Variants in PCDHGB2 observed in about 807,000 individuals in gnomAD.
The protein encoded by PCDHGB2 is protocadherin gamma-B2.
Under a neutral mutation model 59.3 loss-of-function variants are expected in PCDHGB2, and 55 were observed. That is an observed-to-expected ratio of 0.93 (90% CI 0.75 to 1.16). PCDHGB2 has a LOEUF of 1.16. Among genes scored for constraint, PCDHGB2 ranks in the 50% most tolerant of loss-of-function variants. The pLI, the probability that PCDHGB2 is intolerant of heterozygous loss-of-function variation, is 0.00. For synonymous variants in PCDHGB2, 516 were observed against 512.0 expected, an observed-to-expected ratio of 1.01 and a Z score of -0.11; for missense variants, 1,228 against 1,198.5, an observed-to-expected ratio of 1.02 and a Z score of -0.36.
intron 1 of PCDHGB2, chr5:141,395,106 A>G: frequency 3.1e-6 from 5 of 1,614,150 alleles, no homozygotes; most frequent in Admixed American, 3.3e-5. Flanking sequence ...CGACTCGCGG[A>G]AGAGTCACCT....
Position 141,485,057 on chromosome 5 carries a change from C to T in PCDHGB2, c.2422-9750C>T. 1 of 843,720 alleles carries T rather than the reference C, an allele frequency of 1.2e-6. No individual in the cohort carries two copies. The highest frequency in any genetic ancestry group is 1.9e-6 in the Non-Finnish European group (1 of 524,586). 52.3% of individuals were successfully genotyped at this position (843,720 alleles called of 1,614,324 possible). On this transcript the variant is annotated intron_variant, in intron 1 of 3. Transcript: ENST00000522605. This position sits in a 1 kb window ranked among gnomAD's most constrained non-coding sequence, Gnocchi z 5.7. The stretch of plus-strand genomic sequence containing the variant: ...GTAACCCTTGCGGCGCCGGCCGAAC[C>T]GCGCCAGAGCTGGCGCGGGGAAAGG...
At chr5:141,389,681 C>G in intron 1 of PCDHGB2, 5 of 1,612,438 alleles carry the variant, frequency 3.1e-6, no homozygotes, top group Non-Finnish European at 4.2e-6. Context: ...CAGGACACAA[C>G]GCCTGGCTGT....
chr5:141,389,818 G>T, intron 1 of PCDHGB2: 2 of 1,613,888 alleles, frequency 1.2e-6, no homozygotes, highest in Non-Finnish European at 1.7e-6. Flanking sequence ...GTCGCCGTGC[G>T]TGACGGTGGA....
At chr5:141,503,598 CAAAAAAAAAAAA>C (rs765754054) in intron 2 of PCDHGB2, among the ~76,000 whole-genome samples, 11 of 65,762 alleles carry the variant, frequency 1.7e-4, no homozygotes, top group Admixed American at 3.4e-4. Context: ...GACTCCAGCT[CAAAAAAAAAAAA>C]AAAAGAAAAA....
chr5:141,409,200 T>C, intron 1 of PCDHGB2: 2 of 1,614,020 alleles, frequency 1.2e-6, no homozygotes, highest in Non-Finnish European at 1.7e-6. Flanking sequence ...CAGTGTAAAG[T>C]AATCATAGAA....
intron 1 of PCDHGB2, chr5:141,415,853 GTAGT>G: frequency 2.5e-6 from 3 of 1,186,350 alleles, no homozygotes; most frequent in Non-Finnish European, 3.3e-6. Context: ...GCAGAACCTT[GTAGT>G]TTATAGTGTT....
At position 141,372,141 on chromosome 5, in the gene PCDHGB2, G is replaced by C. The variant is rs780330964; in HGVS notation, c.2421+9585G>C. On this transcript the variant is annotated intron_variant, in intron 1 of 3. Coordinates refer to ENST00000522605, the MANE Select transcript of PCDHGB2 (RefSeq NM_018923.3). ...CTTCGATATGGTGCCGCGCTCTGCAGAGCCTGGCTACCTGGTGACCAAGGT... is the reference window on the plus strand; with the variant it reads ...CTTCGATATGGTGCCGCGCTCTGCACAGCCTGGCTACCTGGTGACCAAGGT... 5.0e-6 allele frequency: 8 copies of C among 1,613,774 alleles called. No individual in the cohort carries two copies. The East Asian group carries it at 1.6e-4, about 31-fold the overall frequency.
rs769074023 is a variant in PCDHGB2, at chr5:141,491,738, G to A, written c.2422-3069G>A. ...GCGCCGCCCCGGGCGACCCCTGGGG[G>A]CGGCACTGGAGAAGCCGCCCGTCCT... On this transcript the variant is annotated intron_variant, in intron 1 of 3. Transcript: ENST00000522605. The surrounding 1 kb of genome is among the most constrained non-coding windows in gnomAD (Gnocchi z 6.9). 6.2e-7 allele frequency: 1 copy of A among 1,600,346 alleles called. No homozygotes were observed. The highest frequency in any genetic ancestry group is 8.5e-7 in the Non-Finnish European group (1 of 1,174,196).
chr5:141,428,797 G>A (rs2097161930), intron 1 of PCDHGB2: 1 of 152,310 alleles, frequency 6.6e-6, no homozygotes, highest in Admixed American at 6.5e-5. Context: ...TTCTGTGTGG[G>A]CCAGTAACTT....
intron 1 of PCDHGB2, chr5:141,478,023 A>G (rs2099428714): frequency 6.2e-7 from 1 of 1,614,112 alleles, no homozygotes; most frequent in South Asian, 1.1e-5. Flanking sequence ...CCAGTCCAAG[A>G]CACAGATTCA....
At chr5:141,498,971 G>GGGAGGGAAGGAAGGAAGGAAGGAA (rs2099787588) in intron 2 of PCDHGB2, among the ~76,000 whole-genome samples, 6 of 110,972 alleles carry the variant, frequency 5.4e-5, no homozygotes, top group Admixed American at 5.3e-4. Flanking sequence ...GAGGGAGGGA[G>GGGAGGGAAGGAAGGAAGGAAGGAA]GGAAGGAAGG....
intron 1 of PCDHGB2, chr5:141,400,148 G>A (rs377393833): frequency 2.5e-6 from 4 of 1,614,056 alleles, no homozygotes; most frequent in African/African-American, 2.7e-5. Flanking sequence ...ATCACTGACC[G>A]CCCTGTACCC....
At chr5:141,483,186 A>G (rs2099578047) in intron 1 of PCDHGB2, among the ~76,000 whole-genome samples, 1 of 152,174 alleles carries the variant, frequency 6.6e-6, no homozygotes, top group Non-Finnish European at 1.5e-5. Flanking sequence ...CAAGCCAAGG[A>G]GTTTTTATTT....
chr5:141,419,415 C>A, intron 1 of PCDHGB2: 2 of 1,613,434 alleles, frequency 1.2e-6, no homozygotes, highest in Non-Finnish European at 1.7e-6. Flanking sequence ...GCGCAGCGCG[C>A]CTTCGACCAC....
In PCDHGB2 at chr5:141,384,747, CTT is replaced by C. The variant is rs1040265836; in HGVS notation, c.2421+22193_2421+22194del. Reference sequence around the variant, plus strand: ...TGCTTAAGGCCAGCGAGCCAGGACTCTTTGCGGTTGGGCTGTACACGGGCGAG... The same window carrying C: ...TGCTTAAGGCCAGCGAGCCAGGACTCTGCGGTTGGGCTGTACACGGGCGAG... On this transcript the variant is annotated intron_variant, in intron 1 of 3. Coordinates refer to ENST00000522605, the MANE Select transcript of PCDHGB2 (RefSeq NM_018923.3). 2.2e-5 allele frequency: 35 copies of C among 1,614,060 alleles called. No individual in the cohort carries two copies. In the Admixed American group the frequency reaches 3.5e-4, roughly 16 times the overall value.
chr5:141,495,028 G>C, intron 2 of PCDHGB2, 163 bp downstream of exon 2: 3 of 966,196 alleles, frequency 3.1e-6, no homozygotes, highest in Non-Finnish European at 3.7e-6. Flanking sequence ...CACAGACCCC[G>C]GAAGGAAGAG....
intron 2 of PCDHGB2, among the ~76,000 whole-genome samples, chr5:141,502,194 T>C (rs1470985683): frequency 2.6e-5 from 4 of 152,212 alleles, no homozygotes; most frequent in Non-Finnish European, 4.4e-5. Flanking sequence ...TACAATAATA[T>C]AGAATCCACC....
At chr5:141,430,827 T>A in intron 1 of PCDHGB2, 1 of 1,551,000 alleles carries the variant, frequency 6.4e-7, no homozygotes, top group South Asian at 1.3e-5. Flanking sequence ...CTGGGGACTC[T>A]GTGGGAGACC....
chr5:141,390,366 A>G, intron 1 of PCDHGB2: 1 of 1,524,656 alleles, frequency 6.6e-7, no homozygotes, highest in Non-Finnish European at 8.9e-7. Flanking sequence ...TTGCAGGAAA[A>G]TATATAATTT....
Sources: allele counts gnomAD v4.1 joint callset (sites outside exome capture counted in the v4.1 genomes callset), GRCh38; gene constraint gnomAD v4.1.1; non-coding constraint Gnocchi (gnomAD v3.1); transcripts MANE v1.5; gene names NCBI Gene and HGNC (gene_info 2026-07-23, HGNC 2026-07-21).